Variants in USP16 observed in about 807,000 individuals in gnomAD.
USP16 encodes the protein ubiquitin carboxyl-terminal hydrolase 16.
A neutral mutation model predicts 95.9 loss-of-function variants in USP16; 77 were observed. That is an observed-to-expected ratio of 0.80 (90% CI 0.67 to 0.97). USP16 has a LOEUF of 0.97. Among genes scored for constraint, USP16 ranks in the 50% least tolerant of loss-of-function variants. USP16 has a pLI of 0.00. For missense variants in USP16, 943 were observed against 959.9 expected, an observed-to-expected ratio of 0.98 and a Z score of 0.23; for synonymous variants, 303 against 318.2, an observed-to-expected ratio of 0.95 and a Z score of 0.51.
chr21:29,043,371 C>T, intron 12 of USP16, 52 bp from the exon 13 acceptor site: 4 of 1,257,270 alleles, frequency 3.2e-6, no homozygotes, highest in Non-Finnish European at 1.0e-6. Context: ...TTTTTTTCAC[C>T]AAATGGTAGT....
At chr21:29,032,715 C>G (rs2085095408) in intron 3 of USP16, among the ~76,000 whole-genome samples, 1 of 152,176 alleles carries the variant, frequency 6.6e-6, no homozygotes, top group East Asian at 1.9e-4. Flanking sequence ...ACAAATAAAG[C>G]TGCTGTTAAC....
In USP16 at chr21:29,050,164, A is replaced by T. The variant is rs1322143231; in HGVS notation, c.2179A>T (p.Thr727Ser). Residue 727 changes from threonine to serine, a missense_variant, in exon 16 of 18, where the codon ACC (threonine) becomes TCC (serine). Transcript: ENST00000399976. Reference protein sequence around the residue: ...PEILDLAPFCTLKCKNVAEEN... With the variant: ...PEILDLAPFCSLKCKNVAEEN... ...AATCTTAGATTTGGCTCCTTTTTGC[A>T]CCCTTAAATGTAAGGTAAGTCAAAG... is the stretch of plus-strand genomic sequence containing the variant. The T allele has an allele frequency of 6.2e-6, 10 of 1,613,284 alleles. No homozygotes were observed. Among genetic ancestry groups the T allele is most frequent in the Admixed American group, 1.7e-5 (1 of 59,956 alleles).
intron 3 of USP16, among the ~76,000 whole-genome samples, chr21:29,034,087 G>GTTT (rs1242142494): frequency 2.0e-5 from 3 of 152,150 alleles, no homozygotes; most frequent in Non-Finnish European, 4.4e-5. Flanking sequence ...TTTATTAGGA[G>GTTT]TTTAAGAGTG....
intron 13 of USP16, among the ~76,000 whole-genome samples, chr21:29,046,051 T>A (rs902544481): frequency 3.3e-5 from 5 of 152,172 alleles, no homozygotes; most frequent in African/African-American, 4.8e-5. Context: ...TTCAAACTCC[T>A]CACCTCAAGT....
rs750815501 is a variant in USP16, at chr21:29,047,025, TTTCCAA to T, written c.1717_1722del (p.Ser573_Asn574del). ...GAAGGGAGCAATGGAGAAGTGGACA[TTTCCAA>T]TGGTTTCAAAAACCTAAATTTGAAT... On this transcript the variant is annotated inframe_deletion, in exon 14 of 18. Coordinates refer to ENST00000399976, the MANE Select transcript of USP16 (RefSeq NM_006447.3). 6.2e-7 allele frequency: 1 copy of T among 1,614,082 alleles called. No individual in the cohort carries two copies. Among genetic ancestry groups the T allele is most frequent in the Non-Finnish European group, 8.5e-7 (1 of 1,180,016 alleles).
Position 29,024,680 on chromosome 21 carries a change from A to G in USP16, c.-139A>G, listed in dbSNP as rs2084957748. The G allele has an allele frequency of 7.8e-7, 1 of 1,285,836 alleles. No homozygotes were observed. Among genetic ancestry groups the G allele is most frequent in the East Asian group, 5.6e-5 (1 of 17,998 alleles). The allele number at this position is 1,285,836 out of a possible 1,614,324, so 79.7% of individuals were successfully genotyped here. ...CTTTCCAGGGGTCACTCTGGCTTCG[A>G]CTCCGTCGCTCTCAATTCGTCACCA... is the stretch of plus-strand genomic sequence containing the variant. On this transcript the variant is annotated 5_prime_UTR_variant, in exon 1 of 18. Transcript: ENST00000399976.
intron 2 of USP16, among the ~76,000 whole-genome samples, 173 bp from the exon 3 acceptor site, chr21:29,030,422 C>T (rs1315194051): frequency 6.6e-6 from 1 of 152,174 alleles, no homozygotes; most frequent in Non-Finnish European, 1.5e-5. Context: ...ATCTCTTTCT[C>T]ACATATTTAT....
chr21:29,031,117 G>C (rs2085070545), intron 3 of USP16, among the ~76,000 whole-genome samples: 2 of 152,228 alleles, frequency 1.3e-5, no homozygotes, highest in African/African-American at 2.4e-5. Flanking sequence ...CCTGCCCCTA[G>C]AGCAGGAAGT....
At chr21:29,042,172 A>G in intron 11 of USP16, 68 bp downstream of exon 11, 2 of 1,393,570 alleles carry the variant, frequency 1.4e-6, no homozygotes, top group Non-Finnish European at 2.0e-6. Context: ...GTTTATTTCA[A>G]AAGCAGAAAT....
chr21:29,043,447 A>G lies in USP16; in HGVS notation c.1204A>G (p.Lys402Glu). Reference protein sequence around the residue: ...DQSGKKSVNDKNLKKTVEDED... With the variant: ...DQSGKKSVNDENLKKTVEDED... The stretch of plus-strand genomic sequence containing the variant: ...GAGTGGTAAGAAAAGTGTAAATGAT[A>G]AAAATCTGAAAAAGACAGTGGAGGA... The change falls in exon 13 of 18, where the codon AAA becomes GAA. Residue 402 changes from lysine to glutamate, a missense_variant. Lys to Glu is a moderately conservative substitution (Grantham distance 56, BLOSUM62 1). Transcript: ENST00000399976. The G allele has an allele frequency of 6.5e-7, 1 of 1,547,378 alleles. No homozygotes were observed. The highest frequency in any genetic ancestry group is 8.7e-7 in the Non-Finnish European group (1 of 1,154,320).
rs138869635 is a variant in USP16, at chr21:29,044,153, C to G, written c.1356+554C>G. Among the ~76,000 whole-genome samples, 34 of 152,224 alleles carry G rather than the reference C, an allele frequency of 2.2e-4. No individual in the cohort carries two copies. The East Asian group carries it at 6.4e-3, about 29-fold the overall frequency. On this transcript the variant is annotated intron_variant, in intron 13 of 17. Transcript: ENST00000399976. ...TCACCATTGTTGGCCAGGCTGGTCT[C>G]AAACTCCTGACCTCAAGTGATCCTC... is the stretch of plus-strand genomic sequence containing the variant.
At chr21:29,040,763 T>C (rs2085232285) in intron 10 of USP16, 76 bp downstream of exon 10, 1 of 680,354 alleles carries the variant, frequency 1.5e-6, no homozygotes, top group South Asian at 2.6e-5. Flanking sequence ...CTGGCACATA[T>C]ATTTCCAAGT....
chr21:29,024,830 T>C (rs1391580206), intron 1 of USP16, 53 bp downstream of exon 1: 15 of 1,243,574 alleles, frequency 1.2e-5, no homozygotes, highest in Non-Finnish European at 1.6e-5. Flanking sequence ...CTTTCTGCGC[T>C]GGGAGAGCTC....
rs766905980 is a variant in USP16 at position 29,047,328 on chromosome 21, TA to T, written c.2011+9del. ...CCAAAGGCAAATATAAAAGGTATTTTAATGCTCTCACTGTAAGTAAAATTAA... is the reference window on the plus strand; with the variant it reads ...CCAAAGGCAAATATAAAAGGTATTTTATGCTCTCACTGTAAGTAAAATTAA... On this transcript the variant is annotated splice_region_variant and intron_variant, in intron 14 of 17. Transcript: ENST00000399976. The T allele has an allele frequency of 6.9e-6, 11 of 1,598,692 alleles. No homozygotes were observed. The East Asian group carries it at 2.5e-4, about 36-fold the overall frequency.
chr21:29,047,359 C>A, intron 14 of USP16, 38 bp downstream of exon 14: 1 of 1,565,398 alleles, frequency 6.4e-7, no homozygotes, highest in Non-Finnish European at 8.6e-7. Flanking sequence ...AATTAATATT[C>A]AGGGGCACAT....
intron 13 of USP16, among the ~76,000 whole-genome samples, chr21:29,043,901 A>G (rs1237183423): frequency 1.3e-5 from 2 of 152,136 alleles, no homozygotes; most frequent in East Asian, 3.8e-4. Context: ...AAAAATATAT[A>G]AAGGTAAACA....
Position 29,043,553 on chromosome 21 carries a change from A to G in USP16, c.1310A>G (p.Lys437Arg). Residue 437 changes from lysine (K) to arginine (R), a missense_variant, in exon 13 of 18, where the codon AAG becomes AGG. Coordinates refer to ENST00000399976, the MANE Select transcript of USP16 (RefSeq NM_006447.3). ...AGTGATATTCCTTCTGGAACAAGTA[A>G]GCACTTACAGAAAAAAGCAAAGAAA... is the stretch of plus-strand genomic sequence containing the variant. ...ERSDIPSGTS[K>R]HLQKKAKKQA... is the part of the protein sequence containing the mutation. 1.9e-6 allele frequency: 3 copies of G among 1,579,116 alleles called. No homozygotes were observed. Among genetic ancestry groups the G allele is most frequent in the Non-Finnish European group, 2.6e-6 (3 of 1,168,478 alleles).
intron 16 of USP16, chr21:29,053,507 G>T (rs1408639778): frequency 1.4e-5 from 4 of 285,590 alleles, no homozygotes; most frequent in Non-Finnish European, 6.6e-6. Flanking sequence ...ATTATCCTCA[G>T]GCTCCTAAAG....
chr21:29,038,655 T>C (rs2085198801), intron 7 of USP16, among the ~76,000 whole-genome samples: 1 of 152,236 alleles, frequency 6.6e-6, no homozygotes, highest in Non-Finnish European at 1.5e-5. Flanking sequence ...AGCTTCCTTC[T>C]TGGGAATGTG....
Sources: allele counts gnomAD v4.1 joint callset (sites outside exome capture counted in the v4.1 genomes callset), GRCh38; gene constraint gnomAD v4.1.1; transcripts MANE v1.5; gene names NCBI Gene and HGNC (gene_info 2026-07-23, HGNC 2026-07-21).